The following MGST1 variants were observed in gnomAD, a reference collection of about 807,000 sequenced individuals.
MGST1 encodes the protein glutathione S-transferase 12.
Under a neutral mutation model 8.9 loss-of-function variants are expected in MGST1, and 5 were observed. The observed-to-expected ratio is 0.56, with a 90% confidence interval of 0.29 to 1.19. The LOEUF (loss-of-function observed/expected upper bound fraction) is 1.19, where lower values mean the gene tolerates loss of function less well. MGST1 is among the 50% of genes most tolerant of loss of function. The pLI is 0.08. For missense variants in MGST1, 182 were observed against 187.4 expected (o/e 0.97, Z 0.17); for synonymous variants, 54 against 67.8 (o/e 0.80, Z 1.00).
At chr12:16,416,678 T>G (rs1940790512) in intron 1 of MGST1, among the ~76,000 whole-genome samples, 1 of 152,002 alleles carries the variant, frequency 6.6e-6, no homozygotes, top group Admixed American at 6.6e-5. Context: ...GAGATTGGGG[T>G]TTTAGTATAC....
intron 4 of MGST1, among the ~76,000 whole-genome samples, chr12:16,506,129 C>G (rs1941536745): frequency 6.6e-6 from 1 of 151,994 alleles, no homozygotes; most frequent in African/African-American, 2.4e-5. Context: ...ACAATTTAGC[C>G]TGTTATAGTT....
At chr12:16,573,091 T>TC (rs1162829940) in intron 4 of MGST1, among the ~76,000 whole-genome samples, 1 of 152,146 alleles carries the variant, frequency 6.6e-6, no homozygotes, top group African/African-American at 2.4e-5. Context: ...CCTTTTTTTT[T>TC]TCCTATGAAA....
At chr12:16,436,169 T>G (rs937612308) in intron 1 of MGST1, among the ~76,000 whole-genome samples, 1 of 151,964 alleles carries the variant, frequency 6.6e-6, no homozygotes, top group African/African-American at 2.4e-5. Flanking sequence ...CTATTTGCTT[T>G]TCTTGATATT....
intron 4 of MGST1, chr12:16,549,984 A>G (rs140024599): frequency 6.6e-6 from 1 of 152,218 alleles, no homozygotes; most frequent in East Asian, 1.9e-4. Context: ...AACACATCAA[A>G]CTTAAAGTGT....
In MGST1 at chr12:16,503,584, C is replaced by G. The variant is rs1011088061; in HGVS notation, n.483-85944C>G. Among the ~76,000 whole-genome samples the G allele has an allele frequency of 6.6e-6, 1 of 152,168 alleles. No homozygotes were observed. The highest frequency in any genetic ancestry group is 2.4e-5 in the African/African-American group (1 of 41,438). On this transcript the variant is annotated intron_variant and non_coding_transcript_variant, in intron 4 of 4. Transcript: ENST00000538857. The surrounding 1 kb of genome is among the most constrained non-coding windows in gnomAD (Gnocchi z 4.8). ...TATTGGCTTCATAATTGTACATCCTCTTTAGACAGGAGGCAGGACTTAATT... is the reference window on the plus strand; with the variant it reads ...TATTGGCTTCATAATTGTACATCCTGTTTAGACAGGAGGCAGGACTTAATT...
intron 4 of MGST1, among the ~76,000 whole-genome samples, chr12:16,466,091 T>C (rs1941253022): frequency 6.6e-6 from 1 of 152,222 alleles, no homozygotes; most frequent in Admixed American, 6.5e-5. Context: ...AAGACCTAAA[T>C]GGTGGTTCAT....
In MGST1 at chr12:16,401,480, C is replaced by T. The variant is rs1437352453; in HGVS notation, n.778+17876C>T. The T allele has an allele frequency of 1.2e-6, 1 of 834,696 alleles. No individual in the cohort carries two copies. The highest frequency in any genetic ancestry group is 2.1e-6 in the Non-Finnish European group (1 of 483,714). The allele number at this position is 834,696 out of a possible 1,614,324, so 51.7% of individuals were successfully genotyped here. A position where few individuals can be genotyped will look rare whatever the true frequency, so the allele number is the denominator to read the frequency against. The stretch of plus-strand genomic sequence containing the variant: ...CATATCTTCACACCATGTCTTAATT[C>T]CTTCAGCAGCTCTTCTTGAAGCTGG... On this transcript the variant is annotated intron_variant and non_coding_transcript_variant, in intron 1 of 1. Transcript: ENST00000359720. This position sits in a 1 kb window ranked among gnomAD's most constrained non-coding sequence, Gnocchi z 4.3.
intron 1 of MGST1, among the ~76,000 whole-genome samples, chr12:16,416,509 G>A (rs1404391629): frequency 1.3e-5 from 2 of 152,078 alleles, no homozygotes; most frequent in Non-Finnish European, 2.9e-5. Flanking sequence ...TTCTGGTGAG[G>A]GCTGTTTTTC....
chr12:16,590,705 T>C (rs1423706178), downstream of MGST1, among the ~76,000 whole-genome samples: 2 of 152,122 alleles, frequency 1.3e-5, no homozygotes, highest in African/African-American at 4.8e-5. Context: ...AGCTCATCAA[T>C]ATAGGCATTT....
In MGST1 at chr12:16,560,318, G is replaced by T; in HGVS notation, n.483-29210G>T. On this transcript the variant is annotated intron_variant and non_coding_transcript_variant, in intron 4 of 4. Coordinates refer to the MGST1 transcript ENST00000538857. This position sits in a 1 kb window ranked among gnomAD's most constrained non-coding sequence, Gnocchi z 5.0. ...GAACAGAAAAACGCTGAGATTGATT[G>T]CTTTAAATGTATGAATATAATTTCC... 7.5e-7 allele frequency: 1 copy of T among 1,335,410 alleles called. No homozygotes were observed. The highest frequency in any genetic ancestry group is 1.0e-6 in the Non-Finnish European group (1 of 975,764). 82.7% of individuals were successfully genotyped at this position (1,335,410 alleles called of 1,614,324 possible). A position where few individuals can be genotyped will look rare whatever the true frequency, so the allele number is the denominator to read the frequency against.
At chr12:16,462,548 A>AC (rs1555105345) in intron 4 of MGST1, among the ~76,000 whole-genome samples, 25 of 135,992 alleles carry the variant, frequency 1.8e-4, no homozygotes, top group South Asian at 6.6e-4. Context: ...GATGCACTTT[A>AC]CCCCCCCAAA....
At chr12:16,492,698 GA>G (rs1347798036) in intron 4 of MGST1, among the ~76,000 whole-genome samples, 1 of 152,056 alleles carries the variant, frequency 6.6e-6, no homozygotes, top group Admixed American at 6.6e-5. Context: ...TATCACTAAA[GA>G]TTTTTTTAAA....
Position 16,560,513 on chromosome 12 carries a change from C to A in MGST1, n.483-29015C>A, listed in dbSNP as rs1300711639. On this transcript the variant is annotated intron_variant and non_coding_transcript_variant, in intron 4 of 4. Transcript: ENST00000538857. This position sits in a 1 kb window ranked among gnomAD's most constrained non-coding sequence, Gnocchi z 5.0. Reference sequence around the variant, plus strand: ...GCAGGGATGAGCTTACTACAGGCAGCGCAGTTTCCCGTTACACCAAAGAGC... The same window carrying A: ...GCAGGGATGAGCTTACTACAGGCAGAGCAGTTTCCCGTTACACCAAAGAGC... 6 of 1,613,022 alleles carry A rather than the reference C, an allele frequency of 3.7e-6. No individual in the cohort carries two copies. The highest frequency in any genetic ancestry group is 5.1e-6 in the Non-Finnish European group (6 of 1,179,588).
chr12:16,471,324 C>T (rs751618919), intron 4 of MGST1, among the ~76,000 whole-genome samples: 5 of 152,106 alleles, frequency 3.3e-5, no homozygotes, highest in African/African-American at 7.2e-5. Context: ...ACCCATTTTG[C>T]GGGGAATAAT....
intron 4 of MGST1, among the ~76,000 whole-genome samples, chr12:16,575,939 G>A (rs752951987): frequency 6.6e-6 from 1 of 152,146 alleles, no homozygotes; most frequent in East Asian, 1.9e-4. Context: ...ATGAATGTCG[G>A]AACATTTGCA....
At position 16,517,943 on chromosome 12, in the gene MGST1, T is replaced by C. The variant is rs1332933125; in HGVS notation, n.483-71585T>C. Among the ~76,000 whole-genome samples the C allele has an allele frequency of 1.3e-5, 2 of 152,208 alleles. No homozygotes were observed. The highest frequency in any genetic ancestry group is 2.4e-5 in the African/African-American group (1 of 41,450). ...GATGTGATAAAACAATCAAATGTTGTTCTTCACACCCAAGGACCAGACACT... is the reference window on the plus strand; with the variant it reads ...GATGTGATAAAACAATCAAATGTTGCTCTTCACACCCAAGGACCAGACACT... On this transcript the variant is annotated intron_variant and non_coding_transcript_variant, in intron 4 of 4. Transcript: ENST00000538857. The surrounding 1 kb of genome is among the most constrained non-coding windows in gnomAD (Gnocchi z 4.2).
chr12:16,502,414 TC>T (rs1941510500), intron 4 of MGST1, among the ~76,000 whole-genome samples: 2 of 152,136 alleles, frequency 1.3e-5, no homozygotes, highest in African/African-American at 2.4e-5. Flanking sequence ...AAAGATTTTT[TC>T]TGATGAAGTT....
rs955649006 is a variant in MGST1 at position 16,551,192 on chromosome 12, T to A, written n.483-38336T>A. 3.0e-6 allele frequency: 4 copies of A among 1,323,772 alleles called. No individual in the cohort carries two copies. The African/African-American group carries it at 5.8e-5, about 19-fold the overall frequency. 82.0% of individuals were successfully genotyped at this position (1,323,772 alleles called of 1,614,324 possible). On this transcript the variant is annotated intron_variant and non_coding_transcript_variant, in intron 4 of 4. Coordinates refer to the MGST1 transcript ENST00000538857. ...AAAAAAGATAAAAGAATGTAGTGCT[T>A]TGTATTCTTAATGGGGTGATGTTGA...
At position 16,533,476 on chromosome 12, in the gene MGST1, T is replaced by G. The variant is rs565195668; in HGVS notation, n.483-56052T>G. Among the ~76,000 whole-genome samples, 4 of 152,296 alleles carry G rather than the reference T, an allele frequency of 2.6e-5. No individual in the cohort carries two copies. In the East Asian group the frequency reaches 5.8e-4, roughly 22 times the overall value. On this transcript the variant is annotated intron_variant and non_coding_transcript_variant, in intron 4 of 4. Coordinates refer to the MGST1 transcript ENST00000538857. ...ATGAGTTATACTGTAAATTGAGCCT[T>G]GCTTTTTTCTCGGTTAATTTTTTCC...
Sources: allele counts gnomAD v4.1 joint callset (sites outside exome capture counted in the v4.1 genomes callset), GRCh38; gene constraint gnomAD v4.1.1; non-coding constraint Gnocchi (gnomAD v3.1); transcripts MANE v1.5; gene names NCBI Gene and HGNC (gene_info 2026-07-23, HGNC 2026-07-21).